Variants in FADS2 observed in about 807,000 individuals in gnomAD.
FADS2 encodes acyl-CoA 6-desaturase.
FADS2 carries 18 observed loss-of-function variants against 61.2 expected under a neutral mutation model. The observed-to-expected ratio is 0.29, with a 90% CI of 0.20 to 0.44. The LOEUF (loss-of-function observed/expected upper bound fraction) is 0.44, where lower values mean the gene tolerates loss of function less well. Ranked by LOEUF, FADS2 falls within the 20% of genes least tolerant of loss-of-function variation. The pLI is 1.00. For missense variants in FADS2, 322 were observed against 572.7 expected (o/e 0.56, Z 4.47); for synonymous variants, 203 against 223.9 (o/e 0.91, Z 0.83).
chr11:61,842,611 C>T (rs2067225779), intron 4 of FADS2, among the ~76,000 whole-genome samples: 1 of 152,188 alleles, frequency 6.6e-6, no homozygotes, highest in Admixed American at 6.5e-5. Context: ...ACGTGGATGA[C>T]AGCAAACAGG....
chr11:61,861,020 G>A (rs174613), intron 7 of FADS2, among the ~76,000 whole-genome samples: 76,234 of 151,472 alleles, frequency 0.5, 19,845 homozygotes, highest in Admixed American at 0.62. Context: ...GCCTGGGCAA[G>A]TAAGTGAGAC....
At position 61,828,670 on chromosome 11, in the gene FADS2, CCAAA is replaced by C; in HGVS notation, c.207+76_207+79del. ...GTCAGGATCCCTGGCTCCCCGTGGGCCAAACAGACCTCCGGCGCTGAATGGAGCT... is the reference window on the plus strand; with the variant it reads ...GTCAGGATCCCTGGCTCCCCGTGGGCCAGACCTCCGGCGCTGAATGGAGCT... On this transcript the variant is annotated intron_variant, in intron 1 of 11. Coordinates refer to ENST00000278840, the MANE Select transcript of FADS2 (RefSeq NM_004265.4). The surrounding 1 kb of genome is among the most constrained non-coding windows in gnomAD (Gnocchi z 6.4). 1.5e-6 allele frequency: 2 copies of C among 1,356,540 alleles called. No homozygotes were observed. Among genetic ancestry groups the C allele is most frequent in the Non-Finnish European group, 2.0e-6 (2 of 976,520 alleles). The allele number at this position is 1,356,540 out of a possible 1,614,324, so 84.0% of individuals were successfully genotyped here. A position where few individuals can be genotyped will look rare whatever the true frequency, so the allele number is the denominator to read the frequency against.
Position 61,816,935 on chromosome 11 carries a change from G to C in FADS2, c.141+509G>C. On this transcript the variant is annotated intron_variant, in intron 1 of 11. Coordinates refer to the FADS2 transcript ENST00000257261. The surrounding 1 kb of genome is among the most constrained non-coding windows in gnomAD (Gnocchi z 7.0). ...CTCGCAGCGCGCGTTCCCATTGGCC[G>C]AGCCTCGTGGCGCGGGGAGCGAGAT... 7.2e-7 allele frequency: 1 copy of C among 1,382,526 alleles called. No individual in the cohort carries two copies. Among genetic ancestry groups the C allele is most frequent in the Non-Finnish European group, 9.3e-7 (1 of 1,077,298 alleles). The allele number at this position is 1,382,526 out of a possible 1,614,324, so 85.6% of individuals were successfully genotyped here.
chr11:61,853,175 AAC>A (rs1381871656), intron 5 of FADS2, among the ~76,000 whole-genome samples: 1 of 150,752 alleles, frequency 6.6e-6, no homozygotes, highest in Non-Finnish European at 1.5e-5. Flanking sequence ...CAACAACAAC[AAC>A]AACAAAACAA....
Position 61,840,530 on chromosome 11 carries a change from A to G in FADS2, c.515A>G (p.Gln172Arg). 1 of 1,614,084 alleles carries G rather than the reference A, an allele frequency of 6.2e-7. No individual in the cohort carries two copies. The highest frequency in any genetic ancestry group is 8.5e-7 in the Non-Finnish European group (1 of 1,179,980). Residue 172 changes from glutamine to arginine, a missense_variant and splice_region_variant, in exon 3 of 12, where the codon CAG (glutamine) becomes CGG (arginine). Physicochemically the swap from Gln to Arg is conservative, Grantham distance 43. Coordinates refer to ENST00000278840, the MANE Select transcript of FADS2 (RefSeq NM_004265.4). ...LITAFVLATS[Q>R]AQAGWLQHDY... Reference sequence around the variant, plus strand: ...ACGGCCTTTGTCCTTGCTACCTCTCAGGTGAGGCGTGACACCCTCACTTCC... The same window carrying G: ...ACGGCCTTTGTCCTTGCTACCTCTCGGGTGAGGCGTGACACCCTCACTTCC...
intron 1 of FADS2, among the ~76,000 whole-genome samples, chr11:61,834,485 G>A (rs373043508): frequency 6.6e-6 from 1 of 152,242 alleles, no homozygotes; most frequent in East Asian, 1.9e-4. Context: ...TTACCCCTGG[G>A]CTCAGGGAGG....
chr11:61,832,068 C>T (rs2067135679), intron 1 of FADS2, among the ~76,000 whole-genome samples: 1 of 152,302 alleles, frequency 6.6e-6, no homozygotes, highest in East Asian at 1.9e-4. Flanking sequence ...TGTGCTCCCC[C>T]TGCTCTCTCT....
intron 4 of FADS2, among the ~76,000 whole-genome samples, chr11:61,842,004 T>C (rs2067221659): frequency 6.6e-6 from 1 of 152,186 alleles, no homozygotes; most frequent in Non-Finnish European, 1.5e-5. Flanking sequence ...GTTTTGAAAA[T>C]GAGTCTTTGC....
At chr11:61,820,146 C>T (rs2067026539) in intron 1 of FADS2, among the ~76,000 whole-genome samples, 1 of 152,050 alleles carries the variant, frequency 6.6e-6, no homozygotes, top group South Asian at 2.1e-4. Context: ...GAGACTGCAC[C>T]TCAGAAAAAA....
intron 4 of FADS2, among the ~76,000 whole-genome samples, chr11:61,844,785 C>A (rs573204526): frequency 2.7e-5 from 4 of 148,226 alleles, no homozygotes; most frequent in Non-Finnish European, 3.0e-5. Context: ...ATTAGCCGGG[C>A]GTGGTGGCAC....
chr11:61,835,154 C>G (rs76497692), intron 1 of FADS2, among the ~76,000 whole-genome samples: 1 of 152,094 alleles, frequency 6.6e-6, no homozygotes, highest in Admixed American at 6.5e-5. Flanking sequence ...CATCCCTTTT[C>G]GGCTCGGCTA....
chr11:61,863,810 C>T lies in FADS2; in HGVS notation c.1157+24C>T, dbSNP rs520298. ...CAGTGAGCGCGGGGCTGCGGGGAGG[C>T]GGGGAGACCCACAGCGGGAGGGAAG... On this transcript the variant is annotated intron_variant, in intron 10 of 11. Transcript: ENST00000278840. 0.082 allele frequency: 131,081 copies of T among 1,594,058 alleles called. 6,178 individuals carry two copies. The highest frequency in any genetic ancestry group is 0.11 in the Middle Eastern group (645 of 6,036).
At position 61,848,234 on chromosome 11, in the gene FADS2, G is replaced by A. The variant is rs2067276934; in HGVS notation, c.694G>A (p.Asp232Asn). 3 of 1,614,202 alleles carry A rather than the reference G, an allele frequency of 1.9e-6. No homozygotes were observed. Among genetic ancestry groups the A allele is most frequent in the Non-Finnish European group, 1.7e-6 (2 of 1,180,038 alleles). ...AKPNIFHKDP[D>N]VNMLHVFVLG... ...GCCTAACATCTTCCACAAGGATCCC[G>A]ATGTGAACATGCTGCACGTGTTTGT... Residue 232 changes from aspartate to asparagine, a missense_variant, in exon 5 of 12, where the codon GAT becomes AAT. Physicochemically the swap from Asp to Asn is conservative, Grantham distance 23 (BLOSUM62 1). This residue lies in a region of FADS2 where 221 missense variants were observed against 427.9 expected (regional missense o/e 0.52). Coordinates refer to ENST00000278840, the MANE Select transcript of FADS2 (RefSeq NM_004265.4).
chr11:61,824,141 G>T (rs1056304671), upstream of FADS2, among the ~76,000 whole-genome samples: 3 of 151,886 alleles, frequency 2.0e-5, no homozygotes, highest in African/African-American at 7.3e-5. Flanking sequence ...CAGCACTTTG[G>T]GAGGCCGAGG....
At chr11:61,846,913 C>G (rs1162923682) in intron 4 of FADS2, 2 of 151,952 alleles carry the variant, frequency 1.3e-5, no homozygotes, top group Non-Finnish European at 2.9e-5. Flanking sequence ...CATAGCAGCA[C>G]AACTGCGCTC....
chr11:61,825,005 A>G (rs1481013325), upstream of FADS2, among the ~76,000 whole-genome samples: 4 of 151,832 alleles, frequency 2.6e-5, no homozygotes, highest in Non-Finnish European at 5.9e-5. Context: ...ATCATGGCCA[A>G]CATGGTGAAA....
chr11:61,848,047 C>G lies in FADS2; in HGVS notation c.619-112C>G, dbSNP rs543818060. 6 of 1,315,510 alleles carry G rather than the reference C, an allele frequency of 4.6e-6. No homozygotes were observed. In the East Asian group the frequency reaches 1.5e-4, roughly 32 times the overall value. 81.5% of individuals were successfully genotyped at this position (1,315,510 alleles called of 1,614,324 possible). Reference sequence around the variant, plus strand: ...TCTGGCCTTGTGGGGGCCTGAAGTGCTATCCCCGAGGGTTGAAGGTTCCGG... The same window carrying G: ...TCTGGCCTTGTGGGGGCCTGAAGTGGTATCCCCGAGGGTTGAAGGTTCCGG... On this transcript the variant is annotated intron_variant, in intron 4 of 11. Coordinates refer to ENST00000278840, the MANE Select transcript of FADS2 (RefSeq NM_004265.4).
chr11:61,860,480 C>G (rs148320220), intron 7 of FADS2, among the ~76,000 whole-genome samples: 7 of 152,348 alleles, frequency 4.6e-5, no homozygotes, highest in African/African-American at 1.7e-4. Context: ...CTCCCTCTTG[C>G]AGTTCTTCCT....
upstream of FADS2, among the ~76,000 whole-genome samples, chr11:61,825,443 C>A (rs1413356954): frequency 2.6e-5 from 4 of 151,976 alleles, no homozygotes; most frequent in Non-Finnish European, 4.4e-5. Context: ...CATGGTGAAA[C>A]CCTGTCTCTA....
Sources: allele counts gnomAD v4.1 joint callset (sites outside exome capture counted in the v4.1 genomes callset), GRCh38; gene constraint gnomAD v4.1.1; regional missense constraint gnomAD v4.1.1; non-coding constraint Gnocchi (gnomAD v3.1); transcripts MANE v1.5; gene names NCBI Gene and HGNC (gene_info 2026-07-23, HGNC 2026-07-21).